The following SLC1A6 variants were observed in gnomAD, a reference collection of about 807,000 sequenced individuals.
SLC1A6 encodes the protein solute carrier family 1 member 6.
In SLC1A6, 15 loss-of-function variants were observed where a neutral mutation model predicts 42.1. That is an observed-to-expected ratio of 0.36 (90% CI 0.24 to 0.55). The LOEUF (loss-of-function observed/expected upper bound fraction) is 0.55, where lower values mean the gene tolerates loss of function less well. Among genes scored for constraint, SLC1A6 ranks in the 20% least tolerant of loss-of-function variants. SLC1A6 has a pLI of 0.88. For missense variants in SLC1A6, 542 were observed against 772.5 expected (o/e 0.70, Z 3.54); for synonymous variants, 317 against 319.7 (o/e 0.99, Z 0.09).
intron 1 of SLC1A6, among the ~76,000 whole-genome samples, chr19:14,994,808 T>G (rs571929286): frequency 6.6e-6 from 1 of 152,150 alleles, no homozygotes; most frequent in East Asian, 1.9e-4. Flanking sequence ...CCTCTTGATA[T>G]GTATTTAGAA....
chr19:14,989,111 CA>C (rs1172713998), intron 1 of SLC1A6, among the ~76,000 whole-genome samples: 1 of 152,064 alleles, frequency 6.6e-6, no homozygotes, highest in South Asian at 2.1e-4. Context: ...CCGGCAACTC[CA>C]AAAGGTGGGA....
At chr19:14,999,824 T>C (rs1044279166) in intron 1 of SLC1A6, among the ~76,000 whole-genome samples, 5 of 151,484 alleles carry the variant, frequency 3.3e-5, no homozygotes, top group African/African-American at 1.2e-4. Flanking sequence ...ATAGTCAACA[T>C]TTTATTATAA....
intron 9 of SLC1A6, among the ~76,000 whole-genome samples, chr19:14,952,663 T>C (rs1360092013): frequency 1.3e-5 from 2 of 152,086 alleles, no homozygotes; most frequent in Non-Finnish European, 2.9e-5. Context: ...TGGTGACTTC[T>C]ACATAAAACA....
intron 1 of SLC1A6, among the ~76,000 whole-genome samples, chr19:14,986,121 G>C (rs937591759): frequency 6.8e-6 from 1 of 147,404 alleles, no homozygotes; most frequent in African/African-American, 2.5e-5. Context: ...TTTTTGTCTT[G>C]GAGACAGCTA....
rs115350519 is a variant in SLC1A6 at position 14,962,151 on chromosome 19, G to A, written c.786C>T (p.Ser262=). ...GGCCCAGGGCGTTGATGCCATTGGC[G>A]GAGCCAGGCACGGGTACAGTCTCCT... ...SFEETVPVPG[S]ANGINALGLV... Residue 262 remains serine, a synonymous_variant, in exon 6 of 10, where the codon TCC becomes TCT. Coordinates refer to ENST00000594383, the MANE Select transcript of SLC1A6 (RefSeq NM_005071.3). 1.7e-4 allele frequency: 271 copies of A among 1,614,176 alleles called. 1 individual carries two copies. The African/African-American group carries it at 2.2e-3, about 13-fold the overall frequency.
Position 14,979,685 on chromosome 19 carries a change from G to C in SLC1A6, c.-384C>G, listed in dbSNP as rs907992040. ...GGAGGCACCGGCGCGGAGCCGGGAC[G>C]CGCTATGCTGCGGGAGGGATCCGGG... On this transcript the variant is annotated 5_prime_UTR_variant, in exon 1 of 10. Coordinates refer to ENST00000594383, the MANE Select transcript of SLC1A6 (RefSeq NM_005071.3). The surrounding 1 kb of genome is among the most constrained non-coding windows in gnomAD (Gnocchi z 4.2). 6.6e-6 allele frequency: 1 copy of C among 151,246 alleles called. No individual in the cohort carries two copies. The highest frequency in any genetic ancestry group is 1.5e-5 in the Non-Finnish European group (1 of 68,050). 9.4% of individuals were successfully genotyped at this position (151,246 alleles called of 1,614,324 possible).
intron 1 of SLC1A6, among the ~76,000 whole-genome samples, chr19:14,987,728 A>G (rs1052007942): frequency 8.5e-5 from 13 of 152,156 alleles, no homozygotes; most frequent in Admixed American, 5.2e-4. Context: ...CAGCAAGTAC[A>G]TCATGAGTCT....
intron 5 of SLC1A6, 95 bp downstream of exon 5, chr19:14,964,224 C>T: frequency 9.7e-7 from 1 of 1,035,092 alleles, no homozygotes; most frequent in Non-Finnish European, 1.5e-6. Context: ...CTGTCAGGCC[C>T]TTCCTCCCGC....
Position 14,973,098 on chromosome 19 carries a change from C to A in SLC1A6, c.-7-181G>T, listed in dbSNP as rs1600012830. The A allele has an allele frequency of 2.4e-5, 14 of 586,058 alleles. No individual in the cohort carries two copies. In the East Asian group the frequency reaches 3.7e-4, roughly 15 times the overall value. The allele number at this position is 586,058 out of a possible 1,614,324, so 36.3% of individuals were successfully genotyped here. A position where few individuals can be genotyped will look rare whatever the true frequency, so the allele number is the denominator to read the frequency against. On this transcript the variant is annotated intron_variant, in intron 1 of 9. Coordinates refer to ENST00000594383, the MANE Select transcript of SLC1A6 (RefSeq NM_005071.3). ...CTTTGGGAGGCAGAGGCAGGAGAAT[C>A]ACTTGCGCCCAGGAGTTCAAGACTG...
At chr19:14,996,370 A>T (rs956027786) in intron 1 of SLC1A6, among the ~76,000 whole-genome samples, 11 of 152,176 alleles carry the variant, frequency 7.2e-5, no homozygotes, top group Admixed American at 2.6e-4. Context: ...GATGAAGGTA[A>T]TGGTTGCACA....
intron 6 of SLC1A6, chr19:14,961,799 G>A (rs2045514390): frequency 1.5e-6 from 1 of 659,052 alleles, no homozygotes; most frequent in African/African-American, 1.8e-5. Context: ...AAGAATGAAT[G>A]AATGAACAGA....
chr19:15,009,649 T>C (rs953900151), intron 1 of SLC1A6, among the ~76,000 whole-genome samples: 1 of 152,116 alleles, frequency 6.6e-6, no homozygotes, highest in Non-Finnish European at 1.5e-5. Flanking sequence ...GTACTACCTA[T>C]TGGCTACAAT....
chr19:14,986,747 G>C (rs2045794822), intron 1 of SLC1A6, among the ~76,000 whole-genome samples: 1 of 151,886 alleles, frequency 6.6e-6, no homozygotes, highest in Non-Finnish European at 1.5e-5. Flanking sequence ...TGCGCCACCA[G>C]GTCTGGCTAA....
chr19:15,003,491 T>C (rs765583255), intron 1 of SLC1A6, among the ~76,000 whole-genome samples: 19 of 151,554 alleles, frequency 1.3e-4, no homozygotes, highest in Non-Finnish European at 2.2e-4. Flanking sequence ...CTAGGTCATA[T>C]CCCCCTGGAA....
intron 4 of SLC1A6, among the ~76,000 whole-genome samples, chr19:14,967,232 G>T (rs1024028359): frequency 6.6e-6 from 1 of 152,130 alleles, no homozygotes; most frequent in Non-Finnish European, 1.5e-5. Context: ...TACCACAAGT[G>T]GATACTATGG....
At chr19:14,961,237 T>C (rs1005401198) in intron 6 of SLC1A6, 2 of 152,180 alleles carry the variant, frequency 1.3e-5, no homozygotes, top group Non-Finnish European at 2.9e-5. Flanking sequence ...CACAAAAAAA[T>C]AAGCATGTGA....
At chr19:14,956,354 G>A in intron 7 of SLC1A6, 122 bp downstream of exon 7, 2 of 619,382 alleles carry the variant, frequency 3.2e-6, no homozygotes, top group Non-Finnish European at 2.8e-6. Flanking sequence ...ATGAGCCCTG[G>A]ACATTGTTGG....
At chr19:14,995,575 A>AATGATAACT (rs2045842296) in intron 1 of SLC1A6, among the ~76,000 whole-genome samples, 1 of 152,070 alleles carries the variant, frequency 6.6e-6, no homozygotes, top group Non-Finnish European at 1.5e-5. Context: ...TCACCACAAA[A>AATGATAACT]ATGATAACTA....
At chr19:14,995,994 G>A (rs569766797) in intron 1 of SLC1A6, among the ~76,000 whole-genome samples, 3 of 152,226 alleles carry the variant, frequency 2.0e-5, no homozygotes, top group Non-Finnish European at 2.9e-5. Context: ...GGTAATTTAT[G>A]TTCATTGCAG....
Sources: allele counts gnomAD v4.1 joint callset (sites outside exome capture counted in the v4.1 genomes callset), GRCh38; gene constraint gnomAD v4.1.1; non-coding constraint Gnocchi (gnomAD v3.1); transcripts MANE v1.5; gene names NCBI Gene and HGNC (gene_info 2026-07-23, HGNC 2026-07-21).